Variants in TSPAN9 observed in about 807,000 individuals in gnomAD.
TSPAN9 encodes the protein tetraspanin 9.
A neutral mutation model predicts 31.0 loss-of-function variants in TSPAN9; 16 were observed. The observed-to-expected ratio is 0.52, with a 90% CI of 0.35 to 0.78. The LOEUF is 0.78. Among genes scored for constraint, TSPAN9 ranks in the 30% least tolerant of loss-of-function variants. The probability of loss-of-function intolerance (pLI) is 0.01; values close to 1 mark genes in which losing one functional copy is unlikely to be tolerated. For synonymous variants in TSPAN9, 145 were observed against 121.6 expected (o/e 1.19, Z -1.27); for missense variants, 272 against 312.5 (o/e 0.87, Z 0.98).
intron 3 of TSPAN9, among the ~76,000 whole-genome samples, chr12:3,234,325 T>G (rs1481610398): frequency 2.0e-5 from 3 of 152,220 alleles, no homozygotes. Flanking sequence ...GCGTCTTACC[T>G]TCCTCTGAAT....
At chr12:3,188,158 A>G (rs2098362408) in intron 2 of TSPAN9, among the ~76,000 whole-genome samples, 1 of 152,148 alleles carries the variant, frequency 6.6e-6, no homozygotes, top group Non-Finnish European at 1.5e-5. Context: ...GTAGTTTCCC[A>G]GACACTGCCT....
intron 3 of TSPAN9, among the ~76,000 whole-genome samples, chr12:3,212,921 G>A (rs1428796781): frequency 2.0e-5 from 3 of 152,158 alleles, no homozygotes; most frequent in East Asian, 1.9e-4. Flanking sequence ...GATGTACAAC[G>A]TGGGAGGATG....
chr12:3,083,026 G>T (rs1290252587), intron 1 of TSPAN9, among the ~76,000 whole-genome samples: 1 of 152,222 alleles, frequency 6.6e-6, no homozygotes, highest in Non-Finnish European at 1.5e-5. Flanking sequence ...CCGGAGTCAT[G>T]TTTCTGCAGA....
Position 3,270,256 on chromosome 12 carries a change from G to A in TSPAN9, c.64-8165G>A, listed in dbSNP as rs185626433. Among the ~76,000 whole-genome samples, 186 of 152,304 alleles carry A rather than the reference G, an allele frequency of 1.2e-3. 2 individuals are homozygous for A. The highest frequency in any genetic ancestry group is 2.7e-3 in the Admixed American group (41 of 15,302). On this transcript the variant is annotated intron_variant, in intron 3 of 8. Coordinates refer to ENST00000011898, the MANE Select transcript of TSPAN9 (RefSeq NM_006675.5). ...TAAGGCCCGCTGTCAGGTGGCCTGG[G>A]GATGGGGTATAGATGGAGGTGCGGG...
chr12:3,121,907 G>C (rs1332387502), intron 2 of TSPAN9, among the ~76,000 whole-genome samples: 2 of 152,172 alleles, frequency 1.3e-5, no homozygotes, highest in African/African-American at 4.8e-5. Flanking sequence ...TGAAGGCTGT[G>C]ATGTTATACT....
chr12:3,257,571 C>T (rs1329471703), intron 3 of TSPAN9, among the ~76,000 whole-genome samples: 1 of 151,998 alleles, frequency 6.6e-6, no homozygotes, highest in Non-Finnish European at 1.5e-5. Context: ...TGCTGAGACA[C>T]TGTGGGAATA....
chr12:3,103,687 C>T (rs2098312881), intron 2 of TSPAN9, among the ~76,000 whole-genome samples: 1 of 152,160 alleles, frequency 6.6e-6, no homozygotes, highest in African/African-American at 2.4e-5. Context: ...AGGCAGCCAC[C>T]AGCCTCAAAG....
At position 3,117,976 on chromosome 12, in the gene TSPAN9, G is replaced by A. The variant is rs185417962; in HGVS notation, c.-18+34257G>A. Among the ~76,000 whole-genome samples, 626 of 152,244 alleles carry A rather than the reference G, an allele frequency of 4.1e-3. 2 individuals are homozygous for A. The highest frequency in any genetic ancestry group is 7.2e-3 in the Non-Finnish European group (491 of 68,014). On this transcript the variant is annotated intron_variant, in intron 2 of 8. Coordinates refer to ENST00000011898, the MANE Select transcript of TSPAN9 (RefSeq NM_006675.5). The stretch of plus-strand genomic sequence containing the variant: ...AAGGTGGAGGAGGCATGTGTGGTAA[G>A]AGGCAGTGCAGGGAGGTGGTTAGTG...
At chr12:3,246,052 T>C (rs898049338) in intron 3 of TSPAN9, among the ~76,000 whole-genome samples, 1 of 151,878 alleles carries the variant, frequency 6.6e-6, no homozygotes, top group African/African-American at 2.4e-5. Flanking sequence ...CTCATGTTTC[T>C]GTAGGCTGTA....
In TSPAN9 at chr12:3,182,226, A is replaced by C. The variant is rs1485578837; in HGVS notation, c.-17-18951A>C. ...TACTCGATTAATTCACCCAGATCAG[A>C]CTGGCTTTCTGCTTGGGGGATGCTC... On this transcript the variant is annotated intron_variant, in intron 2 of 8. Coordinates refer to ENST00000011898, the MANE Select transcript of TSPAN9 (RefSeq NM_006675.5). Among the ~76,000 whole-genome samples, 4 of 152,008 alleles carry C rather than the reference A, an allele frequency of 2.6e-5. No individual in the cohort carries two copies. In the East Asian group the frequency reaches 7.8e-4, roughly 30 times the overall value.
In TSPAN9 at chr12:3,220,436, C is replaced by T. The variant is rs924482265; in HGVS notation, c.63+19180C>T. Among the ~76,000 whole-genome samples the T allele has an allele frequency of 1.1e-4, 16 of 152,228 alleles. 1 individual carries two copies. The highest frequency in any genetic ancestry group is 1.8e-4 in the Non-Finnish European group (12 of 68,038). Reference sequence around the variant, plus strand: ...ATGGGTGGGCACCCCAGAGGCTGACCGTCACCTTCCTGACTCTCCAGCGGT... The same window carrying T: ...ATGGGTGGGCACCCCAGAGGCTGACTGTCACCTTCCTGACTCTCCAGCGGT... On this transcript the variant is annotated intron_variant, in intron 3 of 8. Coordinates refer to ENST00000011898, the MANE Select transcript of TSPAN9 (RefSeq NM_006675.5).
At chr12:3,214,695 C>T (rs1435337971) in intron 3 of TSPAN9, among the ~76,000 whole-genome samples, 1 of 152,100 alleles carries the variant, frequency 6.6e-6, no homozygotes, top group Non-Finnish European at 1.5e-5. Context: ...AGGGCCTTCA[C>T]GCCCTCTAAG....
intron 2 of TSPAN9, among the ~76,000 whole-genome samples, chr12:3,137,382 C>T (rs1411978973): frequency 1.3e-5 from 2 of 152,198 alleles, no homozygotes; most frequent in South Asian, 2.1e-4. Flanking sequence ...GAGCCCAGGC[C>T]ACTGTCCTGA....
At chr12:3,174,749 A>G (rs1324768007) in intron 2 of TSPAN9, among the ~76,000 whole-genome samples, 2 of 124,036 alleles carry the variant, frequency 1.6e-5, no homozygotes, top group Non-Finnish European at 3.8e-5. Flanking sequence ...CGCCCGGCTA[A>G]TTTTTTGTAT....
chr12:3,198,183 C>T (rs2098368358), intron 2 of TSPAN9, among the ~76,000 whole-genome samples: 1 of 87,504 alleles, frequency 1.1e-5, no homozygotes, highest in South Asian at 4.1e-4. Context: ...AGCTCACCAC[C>T]AGCACAGGCC....
chr12:3,094,042 T>C (rs1443973326), intron 2 of TSPAN9, among the ~76,000 whole-genome samples: 1 of 152,084 alleles, frequency 6.6e-6, no homozygotes, highest in Non-Finnish European at 1.5e-5. Context: ...ATTATTTATT[T>C]GTAGAGATGG....
chr12:3,158,728 A>AAAC (rs1453848060), intron 2 of TSPAN9, among the ~76,000 whole-genome samples: 2 of 150,364 alleles, frequency 1.3e-5, no homozygotes, highest in Admixed American at 6.6e-5. Context: ...TCTCAAAAAA[A>AAAC]AAAAAAAAAA....
chr12:3,171,474 C>G lies in TSPAN9; in HGVS notation c.-17-29703C>G, dbSNP rs1408006402. Among the ~76,000 whole-genome samples the G allele has an allele frequency of 5.3e-5, 8 of 152,322 alleles. No homozygotes were observed. The South Asian group carries it at 1.2e-3, about 24-fold the overall frequency. On this transcript the variant is annotated intron_variant, in intron 2 of 8. Coordinates refer to ENST00000011898, the MANE Select transcript of TSPAN9 (RefSeq NM_006675.5). ...TTAACCCTGGATGTCCTGATAGCCCCTGCTGTCCCCTCTCTCATTCATCAG... is the reference window on the plus strand; with the variant it reads ...TTAACCCTGGATGTCCTGATAGCCCGTGCTGTCCCCTCTCTCATTCATCAG...
rs996254971 is a variant in TSPAN9, at chr12:3,157,260, C to T, written c.-17-43917C>T. ...GACTACGGGTGCCCGCCACCATGCCCGGCTAATTTGTTTTGTATTTTTAGT... is the reference window on the plus strand; with the variant it reads ...GACTACGGGTGCCCGCCACCATGCCTGGCTAATTTGTTTTGTATTTTTAGT... On this transcript the variant is annotated intron_variant, in intron 2 of 8. Coordinates refer to ENST00000011898, the MANE Select transcript of TSPAN9 (RefSeq NM_006675.5). Among the ~76,000 whole-genome samples, 12 of 152,082 alleles carry T rather than the reference C, an allele frequency of 7.9e-5. No homozygotes were observed. In the East Asian group the frequency reaches 1.4e-3, roughly 17 times the overall value.
Sources: allele counts gnomAD v4.1 joint callset (sites outside exome capture counted in the v4.1 genomes callset), GRCh38; gene constraint gnomAD v4.1.1; transcripts MANE v1.5; gene names NCBI Gene and HGNC (gene_info 2026-07-23, HGNC 2026-07-21).